The following RBFOX3 variants were observed in gnomAD, a reference collection of about 807,000 sequenced individuals.
The protein encoded by RBFOX3 is RNA binding protein fox-1 homolog 3.
Under a neutral mutation model 48.7 loss-of-function variants are expected in RBFOX3, and 17 were observed. The observed-to-expected ratio is 0.35, with a 90% CI of 0.24 to 0.52. The LOEUF is 0.52. Among genes scored for constraint, RBFOX3 ranks in the 20% least tolerant of loss-of-function variants. RBFOX3 has a pLI of 0.94. For missense variants in RBFOX3, 382 were observed against 497.5 expected, an observed-to-expected ratio of 0.77 and a Z score of 2.21; for synonymous variants, 212 against 209.5, an observed-to-expected ratio of 1.01 and a Z score of -0.10.
At chr17:79,454,896 G>A (rs187875576) in intron 2 of RBFOX3, among the ~76,000 whole-genome samples, 215 of 152,300 alleles carry the variant, frequency 1.4e-3, no homozygotes, top group Admixed American at 4.6e-3. Context: ...TGGGGTTTGG[G>A]GGCCCTGCAC....
At chr17:79,400,592 G>T (rs1353655696) in intron 2 of RBFOX3, among the ~76,000 whole-genome samples, 1 of 152,074 alleles carries the variant, frequency 6.6e-6, no homozygotes, top group South Asian at 2.1e-4. Context: ...CTCACAAGGT[G>T]TTGGGGGTGG....
chr17:79,230,044 A>G (rs2060818249), intron 4 of RBFOX3, among the ~76,000 whole-genome samples: 1 of 152,124 alleles, frequency 6.6e-6, no homozygotes, highest in African/African-American at 2.4e-5. Flanking sequence ...GATTTGGAAG[A>G]CCAAACAGGC....
chr17:79,177,957 G>T (rs11869004), intron 4 of RBFOX3, among the ~76,000 whole-genome samples: 1 of 152,142 alleles, frequency 6.6e-6, no homozygotes, highest in Non-Finnish European at 1.5e-5. Context: ...GGACAGAGAC[G>T]GCCCCCAGGG....
chr17:79,377,577 C>T (rs936489437), intron 2 of RBFOX3, among the ~76,000 whole-genome samples: 3 of 152,352 alleles, frequency 2.0e-5, no homozygotes, highest in Non-Finnish European at 2.9e-5. Context: ...TTTGGTAGGA[C>T]GCAGAGCTGC....
intron 4 of RBFOX3, among the ~76,000 whole-genome samples, chr17:79,159,269 C>G (rs968634136): frequency 6.6e-6 from 1 of 152,194 alleles, no homozygotes; most frequent in Non-Finnish European, 1.5e-5. Context: ...GAGGCAGAGG[C>G]AGGTTGGGAT....
rs559014265 is a variant in RBFOX3 at position 79,140,537 on chromosome 17, G to A, written c.-33-24789C>T. ...CTGTAAAGCTCACGATGGCCCAGGC[G>A]GTGACAGTCCCTGGTTTTGCAGACA... On this transcript the variant is annotated intron_variant, in intron 4 of 14. Coordinates refer to ENST00000693108, the MANE Select transcript of RBFOX3 (RefSeq NM_001350451.2). Among the ~76,000 whole-genome samples the A allele has an allele frequency of 5.3e-5, 8 of 152,260 alleles. No homozygotes were observed. In the South Asian group the frequency reaches 6.2e-4, roughly 12 times the overall value.
chr17:79,488,366 G>A lies in RBFOX3; in HGVS notation c.-319-5768C>T, dbSNP rs989223299. Among the ~76,000 whole-genome samples the A allele has an allele frequency of 0.011, 25 of 2,176 alleles. No individual in the cohort carries two copies. The Non-Finnish European group carries it at 0.17, about 15-fold the overall frequency. The allele number at this position is 2,176 out of a possible 152,430, so 1.4% of individuals were successfully genotyped here. A position where few individuals can be genotyped will look rare whatever the true frequency, so the allele number is the denominator to read the frequency against. On this transcript the variant is annotated intron_variant, in intron 1 of 14. Transcript: ENST00000693108. The stretch of plus-strand genomic sequence containing the variant: ...CCCCCATTTCACTACCCCCTCCCCG[G>A]GGCCTACTGACAGCAGCACATGGGG...
In RBFOX3 at chr17:79,559,701, GGATGGGTGGAT is replaced by G. The variant is rs1364820069; in HGVS notation, c.-320+51114_-320+51124del. On this transcript the variant is annotated intron_variant, in intron 1 of 14. Coordinates refer to ENST00000693108, the MANE Select transcript of RBFOX3 (RefSeq NM_001350451.2). ...TGGATGAGTGGGTCGGTGGGTGGATGGATGGGTGGATGATGGGTGGTGGATGGATGGGTGAA... is the reference window on the plus strand; with the variant it reads ...TGGATGAGTGGGTCGGTGGGTGGATGGATGGGTGGTGGATGGATGGGTGAA... 3.9e-4 allele frequency among the ~76,000 whole-genome samples: 58 copies of G among 147,702 alleles called. 1 individual carries two copies. The highest frequency in any genetic ancestry group is 1.3e-3 in the African/African-American group (51 of 40,006).
rs376340624 is a variant in RBFOX3, at chr17:79,477,373, G to A, written c.-175+5081C>T. ...AGATCGAGATCATCCTGGCTAACAC[G>A]GTGAAACCCCGTCTCTACTAAAAAT... On this transcript the variant is annotated intron_variant, in intron 2 of 14. Coordinates refer to ENST00000693108, the MANE Select transcript of RBFOX3 (RefSeq NM_001350451.2). The surrounding 1 kb of genome is among the most constrained non-coding windows in gnomAD (Gnocchi z 4.8). 5.2e-4 allele frequency among the ~76,000 whole-genome samples: 79 copies of A among 151,550 alleles called. 1 individual carries two copies. Among genetic ancestry groups the A allele is most frequent in the East Asian group, 3.5e-3 (18 of 5,172 alleles).
intron 2 of RBFOX3, among the ~76,000 whole-genome samples, chr17:79,360,888 A>G (rs2147271530): frequency 6.7e-6 from 1 of 149,656 alleles, no homozygotes; most frequent in African/African-American, 2.5e-5. Flanking sequence ...TGGCAATATG[A>G]GTTTGAAATT....
At position 79,243,359 on chromosome 17, in the gene RBFOX3, T is replaced by C. The variant is rs1567904574; in HGVS notation, c.-73-7554A>G. Among the ~76,000 whole-genome samples, 1 of 152,162 alleles carries C rather than the reference T, an allele frequency of 6.6e-6. No individual in the cohort carries two copies. Among genetic ancestry groups the C allele is most frequent in the Non-Finnish European group, 1.5e-5 (1 of 68,014 alleles). On this transcript the variant is annotated intron_variant, in intron 3 of 14. Transcript: ENST00000693108. This position sits in a 1 kb window ranked among gnomAD's most constrained non-coding sequence, Gnocchi z 7.9. ...TACTCCTTTTGCTCATTGCCGGGTC[T>C]AACTCCAACCTGCCTCCCACCCCAG...
intron 2 of RBFOX3, among the ~76,000 whole-genome samples, chr17:79,314,051 C>T (rs1161801370): frequency 6.6e-6 from 1 of 152,234 alleles, no homozygotes; most frequent in Non-Finnish European, 1.5e-5. Flanking sequence ...ACAGCCCCCA[C>T]ATGGTGTTTC....
chr17:79,558,436 T>C (rs2144057593), intron 1 of RBFOX3, among the ~76,000 whole-genome samples: 1 of 152,186 alleles, frequency 6.6e-6, no homozygotes, highest in East Asian at 1.9e-4. Flanking sequence ...TGGGGGCAGC[T>C]GAGGGGCGGG....
At chr17:79,495,513 G>GAGGTGGGGGAGGGGTGCAGAGGGTGGGA in intron 1 of RBFOX3, among the ~76,000 whole-genome samples, 1 of 19,604 alleles carries the variant, frequency 5.1e-5, no homozygotes, top group African/African-American at 6.5e-4. Context: ...AGAGGGTGGG[G>GAGGTGGGGGAGGGGTGCAGAGGGTGGGA]AGGTGGGGGA....
chr17:79,335,574 T>C (rs2081068394), intron 2 of RBFOX3, among the ~76,000 whole-genome samples: 1 of 152,172 alleles, frequency 6.6e-6, no homozygotes, highest in Non-Finnish European at 1.5e-5. Flanking sequence ...CACTGGAGTG[T>C]CCGTGTACAC....
chr17:79,395,765 G>A (rs907027514), intron 2 of RBFOX3, among the ~76,000 whole-genome samples: 4 of 152,220 alleles, frequency 2.6e-5, no homozygotes, highest in East Asian at 3.8e-4. Context: ...TGGCTGAGCC[G>A]TGACGTGACC....
intron 1 of RBFOX3, among the ~76,000 whole-genome samples, chr17:79,597,381 A>G (rs1206100566): frequency 6.6e-6 from 1 of 152,172 alleles, no homozygotes; most frequent in Non-Finnish European, 1.5e-5. Context: ...GACTTGTAGA[A>G]GGGCTTTCTG....
At chr17:79,246,951 G>A (rs2063256559) in intron 3 of RBFOX3, among the ~76,000 whole-genome samples, 1 of 152,214 alleles carries the variant, frequency 6.6e-6, no homozygotes, top group Non-Finnish European at 1.5e-5. Flanking sequence ...GGCAGCTGGA[G>A]AACGCCGGCT....
chr17:79,637,488 G>A, the RBFOX3 span, among the ~76,000 whole-genome samples: 4 of 151,990 alleles, frequency 2.6e-5, no homozygotes, highest in South Asian at 6.2e-4. Context: ...GAGGTCAGGA[G>A]TTCGAGACCA....
Sources: gnomAD v4.1 joint callset for allele counts (sites outside exome capture counted in the v4.1 genomes callset) on GRCh38, gnomAD v4.1.1 for gene constraint, Gnocchi (gnomAD v3.1) non-coding constraint, MANE v1.5 for transcripts, NCBI Gene and HGNC (gene_info 2026-07-23, HGNC 2026-07-21) for gene names.